MINDY2: variants seen among roughly 807,000 people sequenced by gnomAD.
MINDY2 encodes ubiquitin carboxyl-terminal hydrolase MINDY-2.
MINDY2 carries 52 observed loss-of-function variants against 68.2 expected under a neutral mutation model. The ratio of observed to expected loss-of-function variants is 0.76; its 90% CI spans 0.61 to 0.96. The LOEUF (loss-of-function observed/expected upper bound fraction) is 0.96, where lower values mean the gene tolerates loss of function less well. Among genes scored for constraint, MINDY2 ranks in the 40% least tolerant of loss-of-function variants. The pLI is 0.00. For missense variants in MINDY2, 881 were observed against 773.4 expected, an observed-to-expected ratio of 1.14 and a Z score of -1.65; for synonymous variants, 372 against 303.0, an observed-to-expected ratio of 1.23 and a Z score of -2.36.
At chr15:58,794,379 G>GTGTGTA (rs1555429201) in intron 2 of MINDY2, among the ~76,000 whole-genome samples, 4 of 151,468 alleles carry the variant, frequency 2.6e-5, no homozygotes, top group African/African-American at 9.7e-5. Context: ...GTGTGTGTGT[G>GTGTGTA]TGTGTGTGTG....
chr15:58,814,524 A>AT lies in MINDY2; in HGVS notation c.1122+4136_1122+4137insT, dbSNP rs1276634782. On this transcript the variant is annotated intron_variant, in intron 4 of 8. Coordinates refer to ENST00000559228, the MANE Select transcript of MINDY2 (RefSeq NM_001040450.3). Reference sequence around the variant, plus strand: ...GCCTCAGCCTCCTAAGTAGCTGGGCACATGCCACCATACCCTGCTCACTTT... The same window carrying AT: ...GCCTCAGCCTCCTAAGTAGCTGGGCATCATGCCACCATACCCTGCTCACTTT... 5.9e-5 allele frequency among the ~76,000 whole-genome samples: 9 copies of AT among 151,904 alleles called. No homozygotes were observed. In the South Asian group the frequency reaches 6.2e-4, roughly 11 times the overall value.
rs771787087 is a variant in MINDY2 at position 58,851,729 on chromosome 15, TA to T, written c.1543-38del. ...GTATTTGCAGTCATTCATTCTTGGG[TA>T]AAATCTCATAGCTAATGATGGTTAT... is the stretch of plus-strand genomic sequence containing the variant. On this transcript the variant is annotated intron_variant, in intron 7 of 8. Coordinates refer to ENST00000559228, the MANE Select transcript of MINDY2 (RefSeq NM_001040450.3). The T allele has an allele frequency of 2.8e-6, 4 of 1,439,934 alleles. No homozygotes were observed. The African/African-American group carries it at 5.9e-5, about 21-fold the overall frequency. The allele number at this position is 1,439,934 out of a possible 1,614,324, so 89.2% of individuals were successfully genotyped here.
In MINDY2 at chr15:58,861,229, A is replaced by G. The variant is rs57832322; in HGVS notation, c.*6619A>G. The G allele has an allele frequency of 6.6e-6, 1 of 152,318 alleles. No homozygotes were observed. The highest frequency in any genetic ancestry group is 2.4e-5 in the African/African-American group (1 of 41,572). The allele number at this position is 152,318 out of a possible 1,614,324, so 9.4% of individuals were successfully genotyped here. A position where few individuals can be genotyped will look rare whatever the true frequency, so the allele number is the denominator to read the frequency against. On this transcript the variant is annotated 3_prime_UTR_variant, in exon 9 of 9. Transcript: ENST00000559228. The stretch of plus-strand genomic sequence containing the variant: ...TTGAAATATAGCAAGGAAGAGAAAC[A>G]AGTTTTCTTTCTCCACTTTATTGTT...
intron 5 of MINDY2, among the ~76,000 whole-genome samples, chr15:58,823,139 CTT>C (rs74641422): frequency 6.1e-5 from 8 of 132,036 alleles, no homozygotes; most frequent in Admixed American, 1.5e-4. Flanking sequence ...TTTTTTTTTT[CTT>C]TTTTTTTTTT....
At chr15:58,819,117 T>G (rs760901153) in intron 4 of MINDY2, among the ~76,000 whole-genome samples, 7 of 152,142 alleles carry the variant, frequency 4.6e-5, no homozygotes, top group Non-Finnish European at 1.0e-4. Context: ...GCTGGGACTA[T>G]GGACGTGCAC....
chr15:58,776,770 C>A (rs1185854259), intron 1 of MINDY2, among the ~76,000 whole-genome samples: 1 of 152,030 alleles, frequency 6.6e-6, no homozygotes, highest in Non-Finnish European at 1.5e-5. Flanking sequence ...GCCTGTCGTC[C>A]CAGCATTGTG....
Position 58,821,641 on chromosome 15 carries a change from C to G in MINDY2, c.1123-76C>G. 6 of 793,372 alleles carry G rather than the reference C, an allele frequency of 7.6e-6. No homozygotes were observed. In the South Asian group the frequency reaches 1.5e-4, roughly 19 times the overall value. 49.1% of individuals were successfully genotyped at this position (793,372 alleles called of 1,614,324 possible). A position where few individuals can be genotyped will look rare whatever the true frequency, so the allele number is the denominator to read the frequency against. Reference sequence around the variant, plus strand: ...TTTAGTATTATATTAGAATAAAATTCTAAAGAGTGATATGGCTTTCTTTTG... The same window carrying G: ...TTTAGTATTATATTAGAATAAAATTGTAAAGAGTGATATGGCTTTCTTTTG... On this transcript the variant is annotated intron_variant, in intron 4 of 8. Coordinates refer to ENST00000559228, the MANE Select transcript of MINDY2 (RefSeq NM_001040450.3).
intron 7 of MINDY2, among the ~76,000 whole-genome samples, chr15:58,847,833 C>T (rs957991389): frequency 2.0e-5 from 3 of 152,100 alleles, no homozygotes; most frequent in African/African-American, 7.2e-5. Flanking sequence ...GACAAATAGT[C>T]CAAGCAAGAG....
At chr15:58,852,084 C>T in intron 8 of MINDY2, 119 bp downstream of exon 8, 4 of 672,896 alleles carry the variant, frequency 5.9e-6, no homozygotes, top group Admixed American at 6.1e-5. Context: ...CCCAGGAGTT[C>T]GAGACCAGCC....
At chr15:58,842,607 C>G (rs1432786795) in intron 6 of MINDY2, among the ~76,000 whole-genome samples, 1 of 152,072 alleles carries the variant, frequency 6.6e-6, no homozygotes, top group Non-Finnish European at 1.5e-5. Context: ...TTCCATAGTA[C>G]AAGCAGAGAG....
At chr15:58,815,095 A>G (rs1409285531) in intron 4 of MINDY2, among the ~76,000 whole-genome samples, 1 of 152,160 alleles carries the variant, frequency 6.6e-6, no homozygotes, top group African/African-American at 2.4e-5. Context: ...ATTTATGAAT[A>G]TGGTCAATGT....
intron 6 of MINDY2, among the ~76,000 whole-genome samples, chr15:58,838,020 T>G (rs1253860302): frequency 6.6e-6 from 1 of 151,488 alleles, no homozygotes. Context: ...GTCACAGTGT[T>G]TTCCATCTTT....
chr15:58,824,816 TG>T (rs1250499531), intron 5 of MINDY2, among the ~76,000 whole-genome samples: 4 of 151,774 alleles, frequency 2.6e-5, no homozygotes, highest in Non-Finnish European at 5.9e-5. Flanking sequence ...ACTACAGGCA[TG>T]TGCCACCATG....
intron 3 of MINDY2, among the ~76,000 whole-genome samples, chr15:58,808,118 A>G (rs574208104): frequency 4.0e-5 from 6 of 151,648 alleles, no homozygotes; most frequent in Non-Finnish European, 7.4e-5. Context: ...GAGGCTTTCT[A>G]TATACCTCCT....
chr15:58,848,580 A>G (rs2032653138), intron 7 of MINDY2, among the ~76,000 whole-genome samples: 1 of 151,302 alleles, frequency 6.6e-6, no homozygotes. Flanking sequence ...CGTCTCTACT[A>G]AAAATATAAA....
chr15:58,807,237 A>G (rs550138899), intron 3 of MINDY2, among the ~76,000 whole-genome samples: 1 of 152,226 alleles, frequency 6.6e-6, no homozygotes, highest in East Asian at 1.9e-4. Context: ...GTAGGGATTC[A>G]GTAAAAGTGT....
chr15:58,847,942 G>T (rs1412256990), intron 7 of MINDY2, among the ~76,000 whole-genome samples: 2 of 152,176 alleles, frequency 1.3e-5, no homozygotes, highest in Non-Finnish European at 1.5e-5. Context: ...AGAGAATCTG[G>T]AAGGTAGCAT....
intron 5 of MINDY2, among the ~76,000 whole-genome samples, chr15:58,825,623 GA>G (rs1170226834): frequency 6.6e-6 from 1 of 152,172 alleles, no homozygotes; most frequent in Non-Finnish European, 1.5e-5. Context: ...TTTTGAGACA[GA>G]GTCTTGCTCA....
chr15:58,813,206 GT>G (rs2030421302), intron 4 of MINDY2, among the ~76,000 whole-genome samples: 1 of 152,098 alleles, frequency 6.6e-6, no homozygotes, highest in Non-Finnish European at 1.5e-5. Flanking sequence ...GCATCTGGGT[GT>G]TTTCCCGCCG....
Sources: gnomAD v4.1 joint callset for allele counts (sites outside exome capture counted in the v4.1 genomes callset) on GRCh38, gnomAD v4.1.1 for gene constraint, MANE v1.5 for transcripts, NCBI Gene and HGNC (gene_info 2026-07-23, HGNC 2026-07-21) for gene names.